PDE1C: variants seen among roughly 807,000 people sequenced by gnomAD.
The protein encoded by PDE1C is phosphodiesterase 1C, also known as dual specificity calcium/calmodulin-dependent 3',5'-cyclic nucleotide phosphodiesterase 1C.
PDE1C carries 62 observed loss-of-function variants against 93.1 expected under a neutral mutation model. That is an observed-to-expected ratio of 0.67 (90% CI 0.54 to 0.82). The LOEUF (loss-of-function observed/expected upper bound fraction) is 0.82, where lower values mean the gene tolerates loss of function less well. Among genes scored for constraint, PDE1C ranks in the 40% least tolerant of loss-of-function variants. The probability of loss-of-function intolerance (pLI) is 0.00; values close to 1 mark genes in which losing one functional copy is unlikely to be tolerated. For missense variants in PDE1C, 742 were observed against 884.6 expected, an observed-to-expected ratio of 0.84 and a Z score of 2.04; for synonymous variants, 325 against 310.1, an observed-to-expected ratio of 1.05 and a Z score of -0.50.
chr7:32,407,548 C>CTCATGTAA (rs1360492215), intron 1 of PDE1C, among the ~76,000 whole-genome samples: 1 of 152,114 alleles, frequency 6.6e-6, no homozygotes, highest in Non-Finnish European at 1.5e-5. Context: ...TTTGCTGATG[C>CTCATGTAA]TCATGTAATC....
At position 31,828,275 on chromosome 7, in the gene PDE1C, GAGCTGCAAAC is replaced by G; in HGVS notation, c.1285+7_1285+16del. 1 of 1,605,504 alleles carries G rather than the reference GAGCTGCAAAC, an allele frequency of 6.2e-7. No individual in the cohort carries two copies. Among genetic ancestry groups the G allele is most frequent in the Non-Finnish European group, 8.5e-7 (1 of 1,172,882 alleles). ...TCCTGCTTTGGTGCTTCTATCCAAA[GAGCTGCAAAC>G]ACGTACCTACTTGTGACTGAGCAAC... On this transcript the variant is annotated splice_region_variant and intron_variant, in intron 12 of 17. Coordinates refer to ENST00000396191, the MANE Select transcript of PDE1C (RefSeq NM_001191057.4).
At chr7:31,968,581 A>C (rs1422090132) in intron 2 of PDE1C, among the ~76,000 whole-genome samples, 3 of 152,260 alleles carry the variant, frequency 2.0e-5, no homozygotes, top group Non-Finnish European at 2.9e-5. Context: ...GCTACCAATG[A>C]CTTTCTTCAC....
chr7:31,713,206 G>A, the PDE1C span, among the ~76,000 whole-genome samples: 7 of 152,178 alleles, frequency 4.6e-5, no homozygotes, highest in Non-Finnish European at 8.8e-5. Flanking sequence ...ACAGGTATTG[G>A]GTAAATACAG....
At chr7:32,043,077 G>T (rs574678984) in intron 2 of PDE1C, among the ~76,000 whole-genome samples, 2 of 152,164 alleles carry the variant, frequency 1.3e-5, no homozygotes, top group Non-Finnish European at 2.9e-5. Context: ...GGTTGCCACA[G>T]CTAGGGGAAG....
chr7:32,271,454 T>G (rs910169101), intron 1 of PDE1C, among the ~76,000 whole-genome samples: 1 of 152,114 alleles, frequency 6.6e-6, no homozygotes, highest in Non-Finnish European at 1.5e-5. Flanking sequence ...GGAGAAAAAG[T>G]TTAAAAATAA....
intron 1 of PDE1C, among the ~76,000 whole-genome samples, chr7:32,399,893 T>G (rs1784911412): frequency 6.6e-6 from 1 of 152,096 alleles, no homozygotes; most frequent in African/African-American, 2.4e-5. Flanking sequence ...CTGACTTCAT[T>G]TAACCTTAAT....
chr7:31,842,996 G>A (rs111719486), intron 9 of PDE1C, among the ~76,000 whole-genome samples: 4 of 151,956 alleles, frequency 2.6e-5, no homozygotes, highest in African/African-American at 7.2e-5. Context: ...ATCCACAAAT[G>A]ATTTAGAAGA....
intron 2 of PDE1C, among the ~76,000 whole-genome samples, chr7:32,171,386 T>C (rs935620001): frequency 6.7e-6 from 1 of 150,260 alleles, no homozygotes; most frequent in African/African-American, 2.5e-5. Context: ...TTCAAACAAC[T>C]AAAGAAGGAA....
the PDE1C span, among the ~76,000 whole-genome samples, chr7:31,660,596 G>A: frequency 6.6e-6 from 1 of 151,652 alleles, no homozygotes; most frequent in African/African-American, 2.4e-5. Flanking sequence ...TCTGGCTACC[G>A]TACATAAAAG....
At chr7:32,147,256 GAAAGAAAGAAAGAA>G (rs1800904183) in intron 3 of PDE1C, among the ~76,000 whole-genome samples, 6 of 70,968 alleles carry the variant, frequency 8.5e-5, no homozygotes, top group African/African-American at 2.9e-4. Flanking sequence ...AGAAAGAAAA[GAAAGAAAGAAAGAA>G]AAAAAGAAAG....
At chr7:31,911,213 A>G (rs887048475) in intron 2 of PDE1C, among the ~76,000 whole-genome samples, 2 of 152,204 alleles carry the variant, frequency 1.3e-5, no homozygotes, top group African/African-American at 2.4e-5. Context: ...ATATAAAACA[A>G]TGATCTCAAA....
chr7:31,941,169 G>A (rs1805792150), intron 2 of PDE1C: 1 of 152,034 alleles, frequency 6.6e-6, no homozygotes, highest in South Asian at 2.1e-4. Context: ...CTAAAGCTTT[G>A]GAAACAAGGT....
the PDE1C span, among the ~76,000 whole-genome samples, chr7:31,616,780 G>T: frequency 6.8e-6 from 1 of 147,726 alleles, no homozygotes; most frequent in Non-Finnish European, 1.5e-5. Flanking sequence ...AACCAAAAAG[G>T]TTTCTAAATT....
intron 2 of PDE1C, among the ~76,000 whole-genome samples, chr7:31,933,839 C>G (rs1327793928): frequency 6.6e-6 from 1 of 152,202 alleles, no homozygotes; most frequent in African/African-American, 2.4e-5. Context: ...TGAAAGTTTT[C>G]TGAGGCTTCA....
chr7:32,301,253 A>G (rs1057290402), upstream of PDE1C, among the ~76,000 whole-genome samples: 5 of 152,112 alleles, frequency 3.3e-5, no homozygotes, highest in African/African-American at 1.2e-4. Context: ...TTTTTGTGCC[A>G]AAATAAGTCC....
the PDE1C span, among the ~76,000 whole-genome samples, chr7:31,647,714 G>A: frequency 4.1e-5 from 6 of 147,942 alleles, no homozygotes; most frequent in Non-Finnish European, 8.9e-5. Flanking sequence ...AGAAGAAGAC[G>A]ATGACGACAA....
At chr7:31,741,184 C>T in the PDE1C span, among the ~76,000 whole-genome samples, 1 of 151,998 alleles carries the variant, frequency 6.6e-6, no homozygotes, top group Non-Finnish European at 1.5e-5. Context: ...TGACTTTTCA[C>T]CTTTTTTATT....
At chr7:31,976,607 CA>C (rs1165284924) in intron 2 of PDE1C, among the ~76,000 whole-genome samples, 2 of 152,142 alleles carry the variant, frequency 1.3e-5, no homozygotes, top group Non-Finnish European at 2.9e-5. Flanking sequence ...AGCCTACCTC[CA>C]AAATGCATGC....
the PDE1C span, among the ~76,000 whole-genome samples, chr7:31,617,088 T>C: frequency 9.8e-5 from 15 of 152,298 alleles, no homozygotes; most frequent in Middle Eastern, 6.8e-3. Flanking sequence ...CCAAAGATGG[T>C]TGCACTTCAG....
Sources: allele counts gnomAD v4.1 joint callset (sites outside exome capture counted in the v4.1 genomes callset), GRCh38; gene constraint gnomAD v4.1.1; transcripts MANE v1.5; gene names NCBI Gene and HGNC (gene_info 2026-07-23, HGNC 2026-07-21).